SYN3: variants seen among roughly 807,000 people sequenced by gnomAD.
The protein encoded by SYN3 is synapsin-3.
In SYN3, 35 loss-of-function variants were observed where a neutral mutation model predicts 65.8. The ratio of observed to expected loss-of-function variants is 0.53; its 90% CI spans 0.41 to 0.70. SYN3 has a LOEUF of 0.70. Ranked by LOEUF, SYN3 falls within the 30% of genes least tolerant of loss-of-function variation. The probability of loss-of-function intolerance (pLI) is 0.00; values close to 1 mark genes in which losing one functional copy is unlikely to be tolerated. For synonymous variants in SYN3, 270 were observed against 292.9 expected (o/e 0.92, Z 0.80); for missense variants, 680 against 749.0 (o/e 0.91, Z 1.08).
chr22:32,829,022 G>A (rs1015613453), intron 6 of SYN3, among the ~76,000 whole-genome samples: 8 of 152,118 alleles, frequency 5.3e-5, no homozygotes, highest in Non-Finnish European at 1.5e-5. Flanking sequence ...GAGACTACCA[G>A]CCTCCTCCCT....
chr22:32,789,582 C>G (rs1473758517), intron 6 of SYN3, among the ~76,000 whole-genome samples: 1 of 152,164 alleles, frequency 6.6e-6, no homozygotes, highest in Non-Finnish European at 1.5e-5. Flanking sequence ...TCCAGCAATG[C>G]TTTTGTGTGG....
intron 6 of SYN3, among the ~76,000 whole-genome samples, chr22:32,693,281 A>G (rs1375099749): frequency 6.6e-6 from 1 of 152,216 alleles, no homozygotes; most frequent in Non-Finnish European, 1.5e-5. Context: ...TCGATCTGAT[A>G]ACAGATGGCT....
chr22:32,795,617 C>T (rs1047933840), intron 6 of SYN3, among the ~76,000 whole-genome samples: 3 of 151,904 alleles, frequency 2.0e-5, no homozygotes, highest in East Asian at 1.9e-4. Context: ...CATGGGGGTG[C>T]GTGGGGTAGG....
At chr22:32,887,271 G>A (rs2049319380) in intron 4 of SYN3, among the ~76,000 whole-genome samples, 2 of 152,028 alleles carry the variant, frequency 1.3e-5, no homozygotes, top group African/African-American at 2.4e-5. Flanking sequence ...CCAGCTACTT[G>A]GGAGGCTGAG....
rs540482490 is a variant in SYN3 at position 32,889,772 on chromosome 22, A to G, written c.462-20647T>C. On this transcript the variant is annotated intron_variant, in intron 4 of 13. Coordinates refer to ENST00000358763, the MANE Select transcript of SYN3 (RefSeq NM_003490.4). ...CACAGTTGTTGGGCATTTAGATTTT[A>G]AAAAATATATTACAAAGACTTCTGG... Among the ~76,000 whole-genome samples the G allele has an allele frequency of 5.9e-5, 9 of 152,188 alleles. No homozygotes were observed. In the South Asian group the frequency reaches 1.9e-3, roughly 32 times the overall value.
chr22:32,508,173 A>G lies in SYN3; in HGVS notation c.*5519T>C, dbSNP rs973012979. Among the ~76,000 whole-genome samples the G allele has an allele frequency of 6.6e-6, 1 of 152,162 alleles. No homozygotes were observed. The highest frequency in any genetic ancestry group is 1.5e-5 in the Non-Finnish European group (1 of 68,030). ...CTGAAGAATCACAAAAGAAGTGAAAAGGCCCTGCCCCGCCTTAACTGATGA... is the reference window on the plus strand; with the variant it reads ...CTGAAGAATCACAAAAGAAGTGAAAGGGCCCTGCCCCGCCTTAACTGATGA... On this transcript the variant is annotated 3_prime_UTR_variant, in exon 14 of 14. Coordinates refer to ENST00000358763, the MANE Select transcript of SYN3 (RefSeq NM_003490.4).
chr22:32,880,647 G>T (rs1384723853), intron 4 of SYN3, among the ~76,000 whole-genome samples: 1 of 152,158 alleles, frequency 6.6e-6, no homozygotes, highest in Non-Finnish European at 1.5e-5. Context: ...TGGAGCCGCT[G>T]GGGGCACTGG....
intron 3 of SYN3, among the ~76,000 whole-genome samples, chr22:32,951,202 T>G (rs894581364): frequency 2.0e-5 from 3 of 152,112 alleles, no homozygotes; most frequent in Non-Finnish European, 2.9e-5. Flanking sequence ...ATCCCCCTAG[T>G]TCCGACTTGC....
At chr22:32,789,735 C>T (rs571886075) in intron 6 of SYN3, among the ~76,000 whole-genome samples, 1 of 152,260 alleles carries the variant, frequency 6.6e-6, no homozygotes, top group African/African-American at 2.4e-5. Flanking sequence ...GTATTGGTTA[C>T]GTTCTTGGAA....
Position 32,510,001 on chromosome 22 carries a change from TAC to T in SYN3, c.*3689_*3690del, listed in dbSNP as rs1014376312. Among the ~76,000 whole-genome samples the T allele has an allele frequency of 9.8e-5, 15 of 152,290 alleles. No homozygotes were observed. The highest frequency in any genetic ancestry group is 3.6e-4 in the African/African-American group (15 of 41,554). On this transcript the variant is annotated 3_prime_UTR_variant, in exon 14 of 14. Coordinates refer to ENST00000358763, the MANE Select transcript of SYN3 (RefSeq NM_003490.4). ...TTGGAAGGAGGTTCTGCGGCTGTTG[TAC>T]ACAGATACTGGAGTATCTGGGAGAT... is the stretch of plus-strand genomic sequence containing the variant.
chr22:33,054,814 T>C (rs1486237858), intron 1 of SYN3, among the ~76,000 whole-genome samples: 1 of 152,250 alleles, frequency 6.6e-6, no homozygotes, highest in East Asian at 1.9e-4. Context: ...ATTCAGTCAC[T>C]TACTGATGGA....
chr22:33,016,552 C>A (rs917687933), intron 1 of SYN3, among the ~76,000 whole-genome samples: 1 of 152,150 alleles, frequency 6.6e-6, no homozygotes, highest in East Asian at 1.9e-4. Flanking sequence ...TCTTTACACT[C>A]GCTCCAACAC....
chr22:32,800,718 T>C (rs1423385606), intron 6 of SYN3, among the ~76,000 whole-genome samples: 4 of 152,198 alleles, frequency 2.6e-5, no homozygotes, highest in African/African-American at 2.4e-5. Flanking sequence ...CTGTCAGCCA[T>C]GGGCAGGGAA....
At chr22:32,533,396 G>T (rs1262507089) in intron 10 of SYN3, among the ~76,000 whole-genome samples, 2 of 152,112 alleles carry the variant, frequency 1.3e-5, no homozygotes, top group Admixed American at 1.3e-4. Context: ...GGCCATGTTT[G>T]TTGAATGAAC....
At position 32,588,775 on chromosome 22, in the gene SYN3, C is replaced by T. The variant is rs1894500; in HGVS notation, c.774+7899G>A. Among the ~76,000 whole-genome samples the T allele has an allele frequency of 0.013, 2,034 of 152,252 alleles. 78 individuals carry two copies. In the East Asian group the frequency reaches 0.14, roughly 11 times the overall value. On this transcript the variant is annotated intron_variant, in intron 7 of 13. Coordinates refer to ENST00000358763, the MANE Select transcript of SYN3 (RefSeq NM_003490.4). ...AAGCTTTACCCTGACACTATACCAG[C>T]GGTTGGCCTTGAGCTTAATTTCTAA...
chr22:32,552,963 G>T (rs1339454926), intron 7 of SYN3, among the ~76,000 whole-genome samples: 1 of 152,224 alleles, frequency 6.6e-6, no homozygotes, highest in African/African-American at 2.4e-5. Flanking sequence ...CCTAGATCAA[G>T]GTGCTGGCAT....
intron 6 of SYN3, among the ~76,000 whole-genome samples, chr22:32,840,208 T>C (rs761148173): frequency 1.1e-4 from 17 of 152,202 alleles, no homozygotes; most frequent in Non-Finnish European, 2.2e-4. Context: ...GGTTTATTTT[T>C]AGCCACAGGC....
intron 3 of SYN3, among the ~76,000 whole-genome samples, chr22:32,950,067 T>C (rs776737556): frequency 6.6e-6 from 1 of 152,176 alleles, no homozygotes; most frequent in Non-Finnish European, 1.5e-5. Flanking sequence ...GGTGAAGAAG[T>C]ATCTGGTCCA....
chr22:33,033,137 C>G (rs540679297), intron 1 of SYN3, among the ~76,000 whole-genome samples: 14 of 152,084 alleles, frequency 9.2e-5, no homozygotes, highest in South Asian at 2.1e-4. Flanking sequence ...CCCACCACCA[C>G]GCCCAGCTAA....
Sources: allele counts gnomAD v4.1 joint callset (sites outside exome capture counted in the v4.1 genomes callset), GRCh38; gene constraint gnomAD v4.1.1; transcripts MANE v1.5; gene names NCBI Gene and HGNC (gene_info 2026-07-23, HGNC 2026-07-21).